STK4: variants seen among roughly 807,000 people sequenced by gnomAD.
The protein encoded by STK4 is serine/threonine-protein kinase 4.
In STK4, 30 loss-of-function variants were observed where a neutral mutation model predicts 64.9. The ratio of observed to expected loss-of-function variants is 0.46; its 90% CI spans 0.35 to 0.63. The LOEUF is 0.63. Among genes scored for constraint, STK4 ranks in the 20% least tolerant of loss-of-function variants. The pLI, the probability that STK4 is intolerant of heterozygous loss-of-function variation, is 0.01. For synonymous variants in STK4, 177 were observed against 199.0 expected, an observed-to-expected ratio of 0.89 and a Z score of 0.93; for missense variants, 466 against 598.5, an observed-to-expected ratio of 0.78 and a Z score of 2.31.
At chr20:44,979,188 T>A (rs1220247833) in intron 3 of STK4, among the ~76,000 whole-genome samples, 3 of 152,186 alleles carry the variant, frequency 2.0e-5, no homozygotes, top group Non-Finnish European at 4.4e-5. Flanking sequence ...TGTGTGATAA[T>A]GATCTTTTTT....
At chr20:45,005,383 C>G (rs552902683) in intron 9 of STK4, among the ~76,000 whole-genome samples, 1 of 151,900 alleles carries the variant, frequency 6.6e-6, no homozygotes, top group Non-Finnish European at 1.5e-5. Flanking sequence ...CTGTGGCTCA[C>G]GCCTGTAATC....
At chr20:44,969,232 A>G (rs2067204778) in intron 1 of STK4, among the ~76,000 whole-genome samples, 1 of 152,158 alleles carries the variant, frequency 6.6e-6, no homozygotes, top group South Asian at 2.1e-4. Flanking sequence ...ACACAGTTTT[A>G]TTATGTAAGA....
chr20:45,060,950 G>T (rs1408864868), intron 10 of STK4, among the ~76,000 whole-genome samples: 1 of 152,152 alleles, frequency 6.6e-6, no homozygotes, highest in Non-Finnish European at 1.5e-5. Context: ...GACACAGAGT[G>T]GGTACTGGCT....
At chr20:44,978,670 G>A in intron 3 of STK4, 99 bp downstream of exon 3, 4 of 1,308,270 alleles carry the variant, frequency 3.1e-6, no homozygotes, top group South Asian at 4.0e-5. Context: ...TAGATATTTT[G>A]CAGAAGGGAG....
chr20:45,024,304 G>T (rs2068304936), intron 9 of STK4, among the ~76,000 whole-genome samples: 1 of 143,816 alleles, frequency 7.0e-6, no homozygotes, highest in Non-Finnish European at 1.5e-5. Flanking sequence ...TTTTCCCCTA[G>T]TTTTTTTTTT....
intron 5 of STK4, among the ~76,000 whole-genome samples, chr20:44,992,907 G>A (rs1278846480): frequency 6.6e-6 from 1 of 151,832 alleles, no homozygotes; most frequent in East Asian, 1.9e-4. Flanking sequence ...TGTTTCCCAG[G>A]CTGGTTTCGA....
At chr20:45,068,927 A>G in intron 10 of STK4, among the ~76,000 whole-genome samples, 1 of 152,256 alleles carries the variant, frequency 6.6e-6, no homozygotes, top group Non-Finnish European at 1.5e-5. Flanking sequence ...GTGAGGCTGA[A>G]CTTTAAACTA....
chr20:45,027,649 A>G (rs922007442), intron 10 of STK4, among the ~76,000 whole-genome samples: 4 of 152,126 alleles, frequency 2.6e-5, no homozygotes, highest in African/African-American at 9.7e-5. Flanking sequence ...AGCCGTTTTG[A>G]AGTATACAAT....
At position 45,025,049 on chromosome 20, in the gene STK4, C is replaced by A; in HGVS notation, c.1224C>A (p.Ile408=). The change falls in exon 10 of 11, where the codon ATC becomes ATA. Residue 408 remains isoleucine, a synonymous_variant. Transcript: ENST00000372806. ...YFEQKEKENQ[I]NSFGKSVPGP... ...AACAAAAAGAAAAGGAAAACCAGAT[C>A]AACAGCTTTGGCAAGAGTGTACCTG... 6.2e-7 allele frequency: 1 copy of A among 1,613,310 alleles called. No individual in the cohort carries two copies. The highest frequency in any genetic ancestry group is 1.1e-5 in the South Asian group (1 of 90,966).
chr20:44,996,888 T>G (rs994040813), intron 6 of STK4, among the ~76,000 whole-genome samples: 3 of 151,836 alleles, frequency 2.0e-5, no homozygotes, highest in African/African-American at 7.3e-5. Context: ...TGAAAGGCAA[T>G]GTACTGTGGT....
intron 10 of STK4, among the ~76,000 whole-genome samples, chr20:45,027,345 G>A (rs1011253319): frequency 6.0e-4 from 90 of 150,130 alleles, no homozygotes; most frequent in Admixed American, 4.1e-3. Flanking sequence ...CAGGAGAATC[G>A]CTTGAACCCA....
intron 9 of STK4, among the ~76,000 whole-genome samples, chr20:45,018,560 G>T (rs1000481253): frequency 2.0e-5 from 3 of 152,018 alleles, no homozygotes; most frequent in Non-Finnish European, 4.4e-5. Flanking sequence ...TTAAGGAAAG[G>T]TGTCTTGCTG....
chr20:44,995,386 A>C, intron 6 of STK4, 129 bp downstream of exon 6: 4 of 1,136,118 alleles, frequency 3.5e-6, no homozygotes, highest in Non-Finnish European at 3.5e-6. Context: ...TGGATGGATC[A>C]CCAGAGGTCA....
rs6017482 is a variant in STK4, at chr20:45,076,296, A to G, written c.*1120A>G. On this transcript the variant is annotated 3_prime_UTR_variant, in exon 11 of 11. Transcript: ENST00000372806. The surrounding 1 kb of genome is among the most constrained non-coding windows in gnomAD (Gnocchi z 4.0). Reference sequence around the variant, plus strand: ...TGGAAGGGACTATAGAGATCATCTGATCTGATCCTCTTGTACGGATGATCG... The same window carrying G: ...TGGAAGGGACTATAGAGATCATCTGGTCTGATCCTCTTGTACGGATGATCG... The G allele has an allele frequency of 0.44, 66,212 of 151,822 alleles. 15,028 individuals carry two copies. The highest frequency in any genetic ancestry group is 0.54 in the Middle Eastern group (159 of 294). 9.4% of individuals were successfully genotyped at this position (151,822 alleles called of 1,614,324 possible).
chr20:44,998,362 G>A (rs1676076720), intron 7 of STK4, among the ~76,000 whole-genome samples: 2 of 152,114 alleles, frequency 1.3e-5, no homozygotes, highest in African/African-American at 4.8e-5. Context: ...TACAGTACCT[G>A]CCTCATGTGT....
At chr20:45,055,150 C>T (rs1023582979) in intron 10 of STK4, among the ~76,000 whole-genome samples, 4 of 152,064 alleles carry the variant, frequency 2.6e-5, no homozygotes, top group Admixed American at 2.6e-4. Flanking sequence ...GGAGGTTGGG[C>T]GTTAACTTAT....
chr20:45,040,917 T>G (rs965607010), intron 10 of STK4, among the ~76,000 whole-genome samples: 1 of 152,204 alleles, frequency 6.6e-6, no homozygotes, highest in African/African-American at 2.4e-5. Flanking sequence ...ATTACTCATT[T>G]GTTTTTCAAT....
intron 10 of STK4, among the ~76,000 whole-genome samples, chr20:45,051,748 T>C (rs2068780402): frequency 6.6e-6 from 1 of 152,224 alleles, no homozygotes; most frequent in African/African-American, 2.4e-5. Context: ...GTAGATTTTG[T>C]CATTGAGGCT....
At position 45,000,494 on chromosome 20, in the gene STK4, G is replaced by C; in HGVS notation, c.934G>C (p.Val312Leu). Reference protein sequence around the residue: ...LKRQESQQREVDQDDEENSEE... With the variant: ...LKRQESQQRELDQDDEENSEE... ...ACGCCAGGAATCCCAGCAGCGGGAA[G>C]TGGACCAGGACGATGAAGAAAACTC... is the stretch of plus-strand genomic sequence containing the variant. Residue 312 changes from valine (V) to leucine (L), a missense_variant, in exon 8 of 11, where the codon GTG becomes CTG. Val to Leu is a conservative substitution (Grantham distance 32). Coordinates refer to ENST00000372806, the MANE Select transcript of STK4 (RefSeq NM_006282.5). The C allele has an allele frequency of 6.2e-7, 1 of 1,613,794 alleles. No homozygotes were observed.
Sources: gnomAD v4.1 joint callset for allele counts (sites outside exome capture counted in the v4.1 genomes callset) on GRCh38, gnomAD v4.1.1 for gene constraint, Gnocchi (gnomAD v3.1) non-coding constraint, MANE v1.5 for transcripts, NCBI Gene and HGNC (gene_info 2026-07-23, HGNC 2026-07-21) for gene names.